The following PCDH15 variants were observed in gnomAD, a reference collection of about 807,000 sequenced individuals.
PCDH15 encodes the protein protocadherin related 15.
A neutral mutation model predicts 178.5 loss-of-function variants in PCDH15; 129 were observed. The observed-to-expected ratio is 0.72, with a 90% confidence interval of 0.63 to 0.84. The LOEUF is 0.84. PCDH15 is among the 40% of genes least tolerant of loss of function. The probability of loss-of-function intolerance (pLI) is 0.00; values close to 1 mark genes in which losing one functional copy is unlikely to be tolerated. For synonymous variants in PCDH15, 800 were observed against 732.0 expected, an observed-to-expected ratio of 1.09 and a Z score of -1.50; for missense variants, 2,230 against 2,099.9, an observed-to-expected ratio of 1.06 and a Z score of -1.21.
At chr10:54,118,607 T>C (rs2095158328) in intron 15 of PCDH15, among the ~76,000 whole-genome samples, 1 of 151,748 alleles carries the variant, frequency 6.6e-6, no homozygotes, top group African/African-American at 2.4e-5. Flanking sequence ...TGGCAGTGAG[T>C]CGAGATTGTG....
rs895924125 is a variant in PCDH15, at chr10:54,503,123, A to G, written c.157+24689T>C. Among the ~76,000 whole-genome samples the G allele has an allele frequency of 2.0e-5, 3 of 151,242 alleles. No individual in the cohort carries two copies. In the East Asian group the frequency reaches 5.8e-4, roughly 29 times the overall value. ...AGTTAAAATTAATTTGGCAATAGGT[A>G]TGCAGGGGATGTCTCTGAAACCCTT... On this transcript the variant is annotated intron_variant, in intron 3 of 37. Coordinates refer to ENST00000644397, the MANE Select transcript of PCDH15 (RefSeq NM_001384140.1).
intron 20 of PCDH15, among the ~76,000 whole-genome samples, chr10:54,003,556 T>C (rs573691940): frequency 4.9e-4 from 74 of 151,902 alleles, no homozygotes; most frequent in African/African-American, 1.6e-3. Flanking sequence ...AAGATTGAAC[T>C]ATGAAGAAAT....
chr10:53,913,548 A>G (rs2083285508), intron 25 of PCDH15, among the ~76,000 whole-genome samples: 1 of 150,812 alleles, frequency 6.6e-6, no homozygotes, highest in Non-Finnish European at 1.5e-5. Flanking sequence ...CCTGGCTAAC[A>G]TGGTGAAATC....
rs137943347 is a variant in PCDH15, at chr10:55,612,255, T to C, written c.-156+15370A>G. On this transcript the variant is annotated intron_variant, in intron 2 of 5. Coordinates refer to the PCDH15 transcript ENST00000613346. ...CACCTGATGTAAATGTTCCACAATG[T>C]ATACATGTATCTTAACATCAATATT... is the stretch of plus-strand genomic sequence containing the variant. 2.0e-3 allele frequency among the ~76,000 whole-genome samples: 309 copies of C among 152,250 alleles called. 5 individuals carry two copies. In the East Asian group the frequency reaches 0.047, roughly 23 times the overall value.
chr10:55,502,469 T>A (rs1409705984), intron 2 of PCDH15, among the ~76,000 whole-genome samples: 1 of 151,752 alleles, frequency 6.6e-6, no homozygotes, highest in African/African-American at 2.4e-5. Flanking sequence ...ATCTCCATCA[T>A]AACCTGGATG....
At chr10:55,150,451 A>C (rs1838677550) in intron 2 of PCDH15, among the ~76,000 whole-genome samples, 1 of 152,080 alleles carries the variant, frequency 6.6e-6, no homozygotes, top group Non-Finnish European at 1.5e-5. Flanking sequence ...AAAATAGAGA[A>C]ATAGGGGTTC....
At chr10:54,167,748 C>T (rs375055368) in intron 13 of PCDH15, among the ~76,000 whole-genome samples, 2 of 72,724 alleles carry the variant, frequency 2.8e-5, no homozygotes, top group Non-Finnish European at 7.4e-5. Flanking sequence ...CGCACCCCAA[C>T]CTCTTATCTC....
chr10:53,922,956 G>C (rs377598290), intron 25 of PCDH15, among the ~76,000 whole-genome samples: 4 of 152,042 alleles, frequency 2.6e-5, no homozygotes, highest in Middle Eastern at 3.4e-3. Context: ...GCATGGTGGC[G>C]GGCACCTGTA....
intron 8 of PCDH15, among the ~76,000 whole-genome samples, chr10:54,279,557 C>T (rs1277136568): frequency 6.6e-6 from 1 of 151,646 alleles, no homozygotes; most frequent in East Asian, 1.9e-4. Context: ...TTCAACTCTA[C>T]TCATTTGCCA....
intron 13 of PCDH15, among the ~76,000 whole-genome samples, chr10:54,180,130 C>G (rs1367396744): frequency 6.6e-6 from 1 of 152,152 alleles, no homozygotes; most frequent in African/African-American, 2.4e-5. Flanking sequence ...TGTGATTATA[C>G]TTCAGCTCCG....
chr10:55,077,472 C>T (rs1841935367), intron 2 of PCDH15, among the ~76,000 whole-genome samples: 1 of 146,390 alleles, frequency 6.8e-6, no homozygotes, highest in Non-Finnish European at 1.5e-5. Context: ...TCCTTTCCTT[C>T]CTTCTTTCCT....
chr10:54,042,831 G>T (rs1411765826), intron 18 of PCDH15, among the ~76,000 whole-genome samples: 2 of 152,104 alleles, frequency 1.3e-5, no homozygotes, highest in Admixed American at 6.6e-5. Context: ...TGTAAGAGGG[G>T]TAGCACAGGT....
chr10:55,470,620 TG>T (rs1294455023), intron 2 of PCDH15, among the ~76,000 whole-genome samples: 1 of 152,162 alleles, frequency 6.6e-6, no homozygotes, highest in Non-Finnish European at 1.5e-5. Flanking sequence ...CTTTGTTGAG[TG>T]GTGCATTTGT....
intron 1 of PCDH15, among the ~76,000 whole-genome samples, chr10:55,229,627 T>A (rs1841154676): frequency 6.6e-6 from 1 of 152,018 alleles, no homozygotes; most frequent in Non-Finnish European, 1.5e-5. Context: ...AAGTCAAACA[T>A]GGAAAAATAA....
At chr10:55,533,800 C>T (rs1841510561) in intron 2 of PCDH15, among the ~76,000 whole-genome samples, 2 of 151,886 alleles carry the variant, frequency 1.3e-5, no homozygotes, top group South Asian at 4.1e-4. Flanking sequence ...TAGAACAAAG[C>T]TGGAGGCACC....
intron 1 of PCDH15, among the ~76,000 whole-genome samples, chr10:54,774,493 A>C (rs982145688): frequency 1.3e-5 from 2 of 152,194 alleles, no homozygotes; most frequent in Non-Finnish European, 2.9e-5. Flanking sequence ...TAAAATATAC[A>C]TTTAAAAAAG....
At chr10:53,894,125 T>C (rs2081781610) in intron 26 of PCDH15, among the ~76,000 whole-genome samples, 1 of 152,184 alleles carries the variant, frequency 6.6e-6, no homozygotes. Context: ...ATAATGTCTT[T>C]AAGTTGATGG....
At chr10:54,543,056 T>G (rs1272629797) in intron 2 of PCDH15, among the ~76,000 whole-genome samples, 1 of 152,080 alleles carries the variant, frequency 6.6e-6, no homozygotes, top group African/African-American at 2.4e-5. Context: ...GGCCACCCAC[T>G]GGTGGAAGGA....
At chr10:55,108,513 A>G (rs1164513339) in intron 2 of PCDH15, among the ~76,000 whole-genome samples, 1 of 152,206 alleles carries the variant, frequency 6.6e-6, no homozygotes, top group Non-Finnish European at 1.5e-5. Flanking sequence ...AGGAACACAG[A>G]CTAGAAGGAC....
Sources: gnomAD v4.1 joint callset for allele counts (sites outside exome capture counted in the v4.1 genomes callset) on GRCh38, gnomAD v4.1.1 for gene constraint, MANE v1.5 for transcripts, NCBI Gene and HGNC (gene_info 2026-07-23, HGNC 2026-07-21) for gene names.